The following PKD1L1 variants were observed in gnomAD, a reference collection of about 807,000 sequenced individuals.
The protein encoded by PKD1L1 is polycystin 1 like 1, transient receptor potential channel interacting, also known as polycystin-1-like protein 1.
In PKD1L1, 236 loss-of-function variants were observed where a neutral mutation model predicts 323.4. That is an observed-to-expected ratio of 0.73 (90% CI 0.66 to 0.81). PKD1L1 has a LOEUF of 0.81. Ranked by LOEUF, PKD1L1 falls within the 40% of genes least tolerant of loss-of-function variation. PKD1L1 has a pLI of 0.00. For missense variants in PKD1L1, 3,320 were observed against 3,508.0 expected (o/e 0.95, Z 1.35); for synonymous variants, 1,344 against 1,335.0 (o/e 1.01, Z -0.15).
At chr7:47,931,905 T>C in intron 5 of PKD1L1, 31 bp downstream of exon 5, 1 of 1,591,002 alleles carries the variant, frequency 6.3e-7, no homozygotes, top group Non-Finnish European at 8.6e-7. Flanking sequence ...AGCTTTCTGA[T>C]GAAATTCAAT....
Position 47,839,249 on chromosome 7 carries a change from G to T in PKD1L1, c.5769+197C>A, listed in dbSNP as rs1235195559. Among the ~76,000 whole-genome samples, 1 of 152,108 alleles carries T rather than the reference G, an allele frequency of 6.6e-6. No individual in the cohort carries two copies. The highest frequency in any genetic ancestry group is 1.9e-4 in the East Asian group (1 of 5,202). On this transcript the variant is annotated intron_variant, in intron 36 of 56. Transcript: ENST00000289672. The surrounding 1 kb of genome is among the most constrained non-coding windows in gnomAD (Gnocchi z 4.3). ...ACTACAATAATTAATAATTGTGAAGGGTAATTAATCCATGCTTGGATGGCC... is the reference window on the plus strand; with the variant it reads ...ACTACAATAATTAATAATTGTGAAGTGTAATTAATCCATGCTTGGATGGCC...
chr7:47,851,673 G>T (rs1057378458), intron 31 of PKD1L1, among the ~76,000 whole-genome samples: 10 of 152,124 alleles, frequency 6.6e-5, no homozygotes, highest in Admixed American at 4.6e-4. Flanking sequence ...AGAGATTGGA[G>T]GTTCTTTCCC....
chr7:47,929,558 A>C (rs532206894), intron 6 of PKD1L1, 32 bp from the exon 7 acceptor site: 1 of 1,568,820 alleles, frequency 6.4e-7, no homozygotes. Context: ...TTCAGATTTC[A>C]TGACAGTGGA....
At chr7:47,818,475 G>A (rs1785071601) in intron 46 of PKD1L1, among the ~76,000 whole-genome samples, 1 of 152,180 alleles carries the variant, frequency 6.6e-6, no homozygotes, top group African/African-American at 2.4e-5. Flanking sequence ...CCACTTTCGG[G>A]GAAATGGTAT....
chr7:47,876,453 GTC>G (rs144348195), intron 22 of PKD1L1, among the ~76,000 whole-genome samples: 2,736 of 152,240 alleles, frequency 0.018, 67 homozygotes, highest in African/African-American at 0.061. Context: ...CCCCACCAGT[GTC>G]TGTGTCCTCT....
the PKD1L1 span, among the ~76,000 whole-genome samples, chr7:47,958,659 G>A: frequency 6.6e-6 from 1 of 152,190 alleles, no homozygotes; most frequent in East Asian, 1.9e-4. Context: ...ACAACCTATA[G>A]AATGGGAGAA....
chr7:47,903,414 C>T (rs944679833), intron 12 of PKD1L1, among the ~76,000 whole-genome samples: 1 of 152,118 alleles, frequency 6.6e-6, no homozygotes, highest in African/African-American at 2.4e-5. Context: ...CTGGAGCTAC[C>T]GAGTATATCG....
chr7:47,927,631 A>G (rs563958199), intron 7 of PKD1L1, among the ~76,000 whole-genome samples: 2 of 152,362 alleles, frequency 1.3e-5, no homozygotes, highest in East Asian at 3.9e-4. Context: ...GAAAGTGCTC[A>G]GCTTGGTTGA....
intron 55 of PKD1L1, among the ~76,000 whole-genome samples, chr7:47,794,937 G>T (rs1784485081): frequency 6.6e-6 from 1 of 152,176 alleles, no homozygotes; most frequent in African/African-American, 2.4e-5. Flanking sequence ...ATTTGGAACA[G>T]TTGTATTTAC....
Position 47,808,343 on chromosome 7 carries a change from G to A in PKD1L1, c.7731C>T (p.Gly2577=), listed in dbSNP as rs746474575. The change falls in exon 52 of 57, where the codon GGC becomes GGT. Residue 2577 remains glycine, a synonymous_variant. Coordinates refer to ENST00000289672, the MANE Select transcript of PKD1L1 (RefSeq NM_138295.5). ...GVSLTYYAVS[G]HLVTLAGDVT... is the part of the protein sequence containing the mutation. ...CATCTCCAGCAAGAGTAACAAGGTG[G>A]CCGGAAACTGCATAGTAGGTGAGGC... is the stretch of plus-strand genomic sequence containing the variant. The A allele has an allele frequency of 1.9e-6, 3 of 1,614,042 alleles. No individual in the cohort carries two copies. In the Admixed American group the frequency reaches 5.0e-5, roughly 27 times the overall value.
At chr7:47,912,046 A>C (rs565145650) in intron 8 of PKD1L1, among the ~76,000 whole-genome samples, 56 of 152,280 alleles carry the variant, frequency 3.7e-4, no homozygotes, top group Non-Finnish European at 6.3e-4. Context: ...AGATACTATA[A>C]GAGTCAAGAG....
chr7:47,943,372 A>G (rs1788036463), intron 2 of PKD1L1, 24 bp downstream of exon 2: 1 of 1,567,324 alleles, frequency 6.4e-7, no homozygotes, highest in African/African-American at 1.4e-5. Flanking sequence ...CATGGTGGCC[A>G]TGCCTCCTTC....
Position 47,813,218 on chromosome 7 carries a change from G to T in PKD1L1, c.7249C>A (p.Pro2417Thr). 1 of 1,614,202 alleles carries T rather than the reference G, an allele frequency of 6.2e-7. No individual in the cohort carries two copies. The highest frequency in any genetic ancestry group is 1.7e-5 in the Admixed American group (1 of 60,026). ...CSPEVGGPEN[P>T]YLIDPENQNV... ...TGGTTCTCTGGGTCTATCAGGTAGG[G>T]GTTCTCAGGGCCTCCAACTTCGGGA... Residue 2417 changes from proline (P) to threonine (T), a missense_variant, in exon 49 of 57, where the codon CCC (proline) becomes ACC (threonine). Physicochemically the swap from Pro to Thr is conservative, Grantham distance 38. Coordinates refer to ENST00000289672, the MANE Select transcript of PKD1L1 (RefSeq NM_138295.5).
intron 54 of PKD1L1, among the ~76,000 whole-genome samples, chr7:47,799,152 G>A (rs565493936): frequency 2.6e-5 from 4 of 152,300 alleles, no homozygotes; most frequent in East Asian, 3.9e-4. Flanking sequence ...TGTTGAATGA[G>A]TGAGTGCATG....
At chr7:47,821,044 C>A in intron 46 of PKD1L1, 32 bp downstream of exon 46, 1 of 1,362,114 alleles carries the variant, frequency 7.3e-7, no homozygotes. Flanking sequence ...TGCAATGGCC[C>A]CAGATCTGGA....
At chr7:47,812,547 C>T (rs978757268) in intron 49 of PKD1L1, among the ~76,000 whole-genome samples, 1 of 152,150 alleles carries the variant, frequency 6.6e-6, no homozygotes. Flanking sequence ...TCTAGACCTC[C>T]CCGTTGCTCT....
In PKD1L1 at chr7:47,839,678, G is replaced by A. The variant is rs1223639767; in HGVS notation, c.5553-16C>T. ...GGCAGGAGCGCTGGAGGCACACACA[G>A]CAGCATCTCAGCCGGGTGGGTGACA... On this transcript the variant is annotated splice_polypyrimidine_tract_variant and intron_variant, in intron 35 of 56. Coordinates refer to ENST00000289672, the MANE Select transcript of PKD1L1 (RefSeq NM_138295.5). The surrounding 1 kb of genome is among the most constrained non-coding windows in gnomAD (Gnocchi z 4.3). The A allele has an allele frequency of 1.3e-6, 2 of 1,555,922 alleles. No individual in the cohort carries two copies. The highest frequency in any genetic ancestry group is 2.4e-5 in the South Asian group (2 of 84,374).
At chr7:47,814,675 A>G (rs1378670277) in intron 47 of PKD1L1, among the ~76,000 whole-genome samples, 1 of 152,168 alleles carries the variant, frequency 6.6e-6, no homozygotes, top group Non-Finnish European at 1.5e-5. Context: ...CACCACACAC[A>G]GCTAACTTTT....
At chr7:47,806,952 GCGGGACACACACAGACAGGATTCTGT>G (rs1280853967) in intron 52 of PKD1L1, among the ~76,000 whole-genome samples, 2 of 151,946 alleles carry the variant, frequency 1.3e-5, no homozygotes, top group African/African-American at 2.4e-5. Flanking sequence ...ACTGGTGCAA[GCGGGACACACACAGACAGGATTCTGT>G]CGGGACACAC....
Sources: gnomAD v4.1 joint callset for allele counts (sites outside exome capture counted in the v4.1 genomes callset) on GRCh38, gnomAD v4.1.1 for gene constraint, Gnocchi (gnomAD v3.1) non-coding constraint, MANE v1.5 for transcripts, NCBI Gene and HGNC (gene_info 2026-07-23, HGNC 2026-07-21) for gene names.